The following INF2 variants were observed in gnomAD, a reference collection of about 807,000 sequenced individuals.
The protein encoded by INF2 is inverted formin 2.
INF2 carries 43 observed loss-of-function variants against 123.5 expected under a neutral mutation model. The ratio of observed to expected loss-of-function variants is 0.35; its 90% CI spans 0.27 to 0.45. INF2 has a LOEUF of 0.45. INF2 is among the 20% of genes least tolerant of loss of function. The pLI, the probability that INF2 is intolerant of heterozygous loss-of-function variation, is 1.00. For missense variants in INF2, 1,453 were observed against 1,682.7 expected (o/e 0.86, Z 2.39); for synonymous variants, 851 against 745.0 (o/e 1.14, Z -2.32).
upstream of INF2, among the ~76,000 whole-genome samples, chr14:104,687,479 T>TACACACACACACACACAG (rs1555371684): frequency 6.1e-5 from 8 of 131,902 alleles, no homozygotes; most frequent in African/African-American, 2.1e-4. This position sits in a 1 kb window ranked among gnomAD's most constrained non-coding sequence, Gnocchi z 5.6. Flanking sequence ...CACACACACA[T>TACACACACACACACACAG]ACACACACAC....
Position 104,714,528 on chromosome 14 carries a change from T to A in INF2, c.3366T>A (p.Pro1122=). 2 of 1,612,806 alleles carry A rather than the reference T, an allele frequency of 1.2e-6. No homozygotes were observed. Among genetic ancestry groups the A allele is most frequent in the Non-Finnish European group, 1.7e-6 (2 of 1,179,874 alleles). The change falls in exon 21 of 23, where the codon CCT becomes CCA. Residue 1122 remains proline (P), a synonymous_variant. Transcript: ENST00000392634. The part of the protein sequence containing the change: ...KPLKFSSNQP[P]AAGSSRQDAK... Reference sequence around the variant, plus strand: ...TCAAGTTCTCCAGCAACCAGCCCCCTGCAGCCGGAAGTTCAAGGCAAGATG... The same window carrying A: ...TCAAGTTCTCCAGCAACCAGCCCCCAGCAGCCGGAAGTTCAAGGCAAGATG...
In INF2 at chr14:104,703,090, A is replaced by G; in HGVS notation, c.392-15A>G. The stretch of plus-strand genomic sequence containing the variant: ...TGCATTGGCCCTGCTGAGCCTGCCC[A>G]CTCCACCCTGGCAGCCCTGGACACA... On this transcript the variant is annotated splice_polypyrimidine_tract_variant and intron_variant, in intron 2 of 22. Transcript: ENST00000392634. 1.9e-6 allele frequency: 3 copies of G among 1,605,414 alleles called. No homozygotes were observed. Among genetic ancestry groups the G allele is most frequent in the African/African-American group, 2.7e-5 (2 of 74,866 alleles).
At chr14:104,694,563 C>T (rs1269267463) in intron 1 of INF2, among the ~76,000 whole-genome samples, 4 of 152,208 alleles carry the variant, frequency 2.6e-5, no homozygotes, top group Admixed American at 2.0e-4. Context: ...TGTCAGTAAG[C>T]TGTGGGGGTG....
rs920833908 is a variant in INF2, at chr14:104,719,184, G to C, written c.*391G>C. The C allele has an allele frequency of 3.9e-6, 1 of 254,604 alleles. No individual in the cohort carries two copies. The highest frequency in any genetic ancestry group is 2.2e-5 in the African/African-American group (1 of 44,606). The allele number at this position is 254,604 out of a possible 1,614,324, so 15.8% of individuals were successfully genotyped here. ...CAGCAAGGTTTAATCAAAATGCAAT[G>C]CTTTGCAAGTCTTTACTGCTTGGAG... On this transcript the variant is annotated 3_prime_UTR_variant, in exon 23 of 23. Coordinates refer to ENST00000392634, the MANE Select transcript of INF2 (RefSeq NM_022489.4).
intron 20 of INF2, 91 bp downstream of exon 20, chr14:104,713,697 C>A: frequency 1.4e-6 from 2 of 1,426,380 alleles, no homozygotes; most frequent in Admixed American, 2.0e-5. Context: ...CACTGGAAAG[C>A]CCTCTCCTCT....
At chr14:104,691,963 C>T (rs1370187232) in intron 1 of INF2, among the ~76,000 whole-genome samples, 1 of 152,126 alleles carries the variant, frequency 6.6e-6, no homozygotes, top group Non-Finnish European at 1.5e-5. Flanking sequence ...CAGGGCAGAC[C>T]GGTGGTGCCT....
At chr14:104,683,970 G>C in intron 1 of INF2, 1 of 448,874 alleles carries the variant, frequency 2.2e-6, no homozygotes. Flanking sequence ...GCTCTCAAAG[G>C]AGCACCTCCA....
upstream of INF2, among the ~76,000 whole-genome samples, chr14:104,688,789 G>C (rs548685602): frequency 2.7e-4 from 41 of 152,348 alleles, no homozygotes; most frequent in African/African-American, 9.6e-4. Flanking sequence ...GCTTCCTGCA[G>C]CTCTGACTGA....
chr14:104,682,156 G>A (rs371906915), intron 1 of INF2, among the ~76,000 whole-genome samples: 4 of 152,312 alleles, frequency 2.6e-5, no homozygotes, highest in East Asian at 1.9e-4. Context: ...TTTTTAACCC[G>A]TAAGTCTCCC....
At chr14:104,711,556 G>A (rs1202469830) in intron 15 of INF2, 73 bp from the exon 16 acceptor site, 2 of 1,323,244 alleles carry the variant, frequency 1.5e-6, no homozygotes, top group Non-Finnish European at 2.2e-6. Context: ...TAGAGCTGGG[G>A]GAGTGGGAAC....
intron 6 of INF2, 114 bp downstream of exon 6, chr14:104,706,290 C>T: frequency 8.7e-7 from 1 of 1,146,236 alleles, no homozygotes; most frequent in Non-Finnish European, 1.2e-6. Flanking sequence ...CTGCTGTGAC[C>T]TGGGCCATGG....
Position 104,719,679 on chromosome 14 carries a change from C to G in INF2, c.*886C>G, listed in dbSNP as rs914077022. On this transcript the variant is annotated 3_prime_UTR_variant, in exon 23 of 23. Coordinates refer to ENST00000392634, the MANE Select transcript of INF2 (RefSeq NM_022489.4). ...CGTGGGCTCCCACAAACATGGTGAG[C>G]GCTGGACAGGCCCCGTGTGAACACT... 2 of 152,174 alleles carry G rather than the reference C, an allele frequency of 1.3e-5. No individual in the cohort carries two copies. Among genetic ancestry groups the G allele is most frequent in the African/African-American group, 2.4e-5 (1 of 41,354 alleles). The allele number at this position is 152,174 out of a possible 1,614,324, so 9.4% of individuals were successfully genotyped here.
chr14:104,696,067 A>G (rs1039738921), intron 1 of INF2, among the ~76,000 whole-genome samples: 1 of 151,936 alleles, frequency 6.6e-6, no homozygotes, highest in African/African-American at 2.4e-5. Flanking sequence ...CGCACCCACC[A>G]TGTGATTGAA....
intron 22 of INF2, among the ~76,000 whole-genome samples, chr14:104,718,154 G>C (rs1190149755): frequency 1.3e-5 from 2 of 152,264 alleles, no homozygotes; most frequent in Non-Finnish European, 2.9e-5. Flanking sequence ...TGTCTGTTTA[G>C]AGTAGTGGTT....
In INF2 at chr14:104,706,094, A is replaced by C. The variant is rs748049609; in HGVS notation, c.761A>C (p.Glu254Ala). ...GAGGCTTTCGAGGAGGCTAAGGCCG[A>C]GGACGAGGAGGAGCTGCTGCGAGTC... ...QLEAFEEAKA[E>A]DEEELLRVSG... Residue 254 changes from glutamate to alanine, a missense_variant, in exon 6 of 23, where the codon GAG (glutamate) becomes GCG (alanine). Glu to Ala is a moderately radical substitution (Grantham distance 107, BLOSUM62 -1). This residue lies in a region of INF2 where 251 missense variants were observed against 349.4 expected (regional missense o/e 0.72). Coordinates refer to ENST00000392634, the MANE Select transcript of INF2 (RefSeq NM_022489.4). 4 of 1,612,440 alleles carry C rather than the reference A, an allele frequency of 2.5e-6. No homozygotes were observed. In the South Asian group the frequency reaches 4.4e-5, roughly 18 times the overall value.
chr14:104,708,281 T>C (rs929276794), intron 8 of INF2, 155 bp from the exon 9 acceptor site: 34 of 982,464 alleles, frequency 3.5e-5, no homozygotes, highest in Middle Eastern at 3.3e-4. Context: ...GGTGCTCAGG[T>C]AGGGAGGTAG....
intron 10 of INF2, 29 bp downstream of exon 10, chr14:104,708,761 G>C: frequency 6.2e-7 from 1 of 1,610,608 alleles, no homozygotes; most frequent in Non-Finnish European, 8.5e-7. Context: ...CCCCATCCCA[G>C]GCCACGGAGC....
chr14:104,694,343 G>A (rs77279083), intron 1 of INF2, among the ~76,000 whole-genome samples: 1,950 of 152,312 alleles, frequency 0.013, 34 homozygotes, highest in African/African-American at 0.045. Context: ...TTGCACCCAC[G>A]CTGAGGATCT....
chr14:104,709,531 G>T, intron 11 of INF2, 89 bp from the exon 12 acceptor site: 1 of 1,328,702 alleles, frequency 7.5e-7, no homozygotes, highest in Admixed American at 1.7e-5. Context: ...GAGCCATGAT[G>T]GGCACTGGAG....
Sources: gnomAD v4.1 joint callset for allele counts (sites outside exome capture counted in the v4.1 genomes callset) on GRCh38, gnomAD v4.1.1 for gene constraint, gnomAD v4.1.1 regional missense constraint, Gnocchi (gnomAD v3.1) non-coding constraint, MANE v1.5 for transcripts, NCBI Gene and HGNC (gene_info 2026-07-23, HGNC 2026-07-21) for gene names.